The following MSRB2 variants were observed in gnomAD, a reference collection of about 807,000 sequenced individuals.
The protein encoded by MSRB2 is methionine-R-sulfoxide reductase B2, mitochondrial.
MSRB2 carries 17 observed loss-of-function variants against 19.0 expected under a neutral mutation model. The ratio of observed to expected loss-of-function variants is 0.89; its 90% CI spans 0.61 to 1.34. The LOEUF (loss-of-function observed/expected upper bound fraction) is 1.34, where lower values mean the gene tolerates loss of function less well. MSRB2 is among the 40% of genes most tolerant of loss of function. The pLI is 0.00. For missense variants in MSRB2, 208 were observed against 237.6 expected (o/e 0.88, Z 0.82); for synonymous variants, 107 against 99.7 (o/e 1.07, Z -0.44).
chr10:23,103,241 G>T (rs1343805570), intron 1 of MSRB2, among the ~76,000 whole-genome samples: 2 of 152,278 alleles, frequency 1.3e-5, no homozygotes, highest in East Asian at 3.9e-4. Flanking sequence ...AATTTCAACT[G>T]TAACTTCTGA....
At chr10:23,096,365 T>C (rs959131109) in intron 1 of MSRB2, among the ~76,000 whole-genome samples, 1 of 151,710 alleles carries the variant, frequency 6.6e-6, no homozygotes, top group Non-Finnish European at 1.5e-5. Flanking sequence ...TGTGTGTGTG[T>C]GTGTGTGTTT....
At chr10:23,103,581 T>C (rs570164354) in intron 1 of MSRB2, among the ~76,000 whole-genome samples, 1 of 152,334 alleles carries the variant, frequency 6.6e-6, no homozygotes, top group South Asian at 2.1e-4. Flanking sequence ...TAATAGATTA[T>C]GGTAGGTCTG....
At chr10:23,120,679 TGG>T in intron 4 of MSRB2, 77 bp from the exon 5 acceptor site, 1 of 1,061,940 alleles carries the variant, frequency 9.4e-7, no homozygotes, top group Non-Finnish European at 1.4e-6. Context: ...GGAGTGATTT[TGG>T]GGGGGTTCGT....
At chr10:23,112,668 A>C (rs1228738820) in intron 3 of MSRB2, among the ~76,000 whole-genome samples, 1 of 152,202 alleles carries the variant, frequency 6.6e-6, no homozygotes, top group Non-Finnish European at 1.5e-5. Flanking sequence ...GGCTCACTGC[A>C]ACCTCTGCCT....
At chr10:23,118,338 T>TG (rs1554795004) in intron 3 of MSRB2, among the ~76,000 whole-genome samples, 3 of 20,620 alleles carry the variant, frequency 1.5e-4, no homozygotes, top group Non-Finnish European at 2.8e-4. Context: ...TAGTTTTTTG[T>TG]TTTTTTTTTT....
At chr10:23,099,446 A>G (rs1588966852) in intron 1 of MSRB2, among the ~76,000 whole-genome samples, 1 of 152,264 alleles carries the variant, frequency 6.6e-6, no homozygotes, top group Non-Finnish European at 1.5e-5. Flanking sequence ...AAAGGTCCAC[A>G]TTGATAAGGA....
In MSRB2 at chr10:23,112,642, G is replaced by A. The variant is rs567528864; in HGVS notation, c.296+2324G>A. 3.3e-5 allele frequency among the ~76,000 whole-genome samples: 5 copies of A among 152,358 alleles called. No homozygotes were observed. The East Asian group carries it at 9.6e-4, about 29-fold the overall frequency. Reference sequence around the variant, plus strand: ...CTCGCTCTGTCGCCCAGGCTGGAGTGCAGTGGCGCGATCTCGGCTCACTGC... The same window carrying A: ...CTCGCTCTGTCGCCCAGGCTGGAGTACAGTGGCGCGATCTCGGCTCACTGC... On this transcript the variant is annotated intron_variant, in intron 3 of 4. Transcript: ENST00000376510.
At chr10:23,096,373 T>TGTGTGTGTGTGTG (rs3838757) in intron 1 of MSRB2, among the ~76,000 whole-genome samples, 2 of 151,598 alleles carry the variant, frequency 1.3e-5, no homozygotes, top group Admixed American at 6.6e-5. Context: ...TGTGTGTGTG[T>TGTGTGTGTGTGTG]TTCTGCTAAA....
intron 1 of MSRB2, among the ~76,000 whole-genome samples, chr10:23,103,477 T>C (rs1839947266): frequency 6.6e-6 from 1 of 152,184 alleles, no homozygotes; most frequent in African/African-American, 2.4e-5. Context: ...TCTAGTTACT[T>C]GGTTTACACT....
intron 1 of MSRB2, among the ~76,000 whole-genome samples, chr10:23,102,158 G>A (rs1030158660): frequency 6.6e-5 from 10 of 152,016 alleles, no homozygotes; most frequent in South Asian, 2.1e-4. Flanking sequence ...ACACACACGC[G>A]CAAACGTACA....
intron 2 of MSRB2, among the ~76,000 whole-genome samples, chr10:23,107,909 G>A (rs918784824): frequency 2.6e-5 from 4 of 151,984 alleles, no homozygotes; most frequent in African/African-American, 9.7e-5. Flanking sequence ...GGAGAGAGTG[G>A]GTAGATGTCA....
chr10:23,110,110 C>G, intron 2 of MSRB2, 132 bp from the exon 3 acceptor site: 1 of 641,312 alleles, frequency 1.6e-6, no homozygotes. Flanking sequence ...TTCTCTCTGG[C>G]GTTATTTGCA....
rs774911226 is a variant in MSRB2, at chr10:23,119,374, G to C, written c.367G>C (p.Asp123His). ...CGAGGCTCATGGTACGTCTGGCTCT[G>C]ATGAAAGCCACACAGGGATCCTGAG... Reference protein sequence around the residue: ...FSEAHGTSGSDESHTGILRRL... With the variant: ...FSEAHGTSGSHESHTGILRRL... Residue 123 changes from aspartate to histidine, a missense_variant, in exon 4 of 5, where the codon GAT becomes CAT. Transcript: ENST00000376510. 1.2e-5 allele frequency: 20 copies of C among 1,613,986 alleles called. No homozygotes were observed. Among genetic ancestry groups the C allele is most frequent in the Admixed American group, 1.7e-5 (1 of 59,996 alleles).
chr10:23,104,896 G>A (rs755001717), intron 2 of MSRB2, among the ~76,000 whole-genome samples: 36 of 152,058 alleles, frequency 2.4e-4, no homozygotes, highest in Non-Finnish European at 4.4e-4. Context: ...TGTAGCTCTC[G>A]GCCCAAATCT....
intron 3 of MSRB2, among the ~76,000 whole-genome samples, chr10:23,112,154 A>G (rs1207593199): frequency 6.6e-6 from 1 of 152,166 alleles, no homozygotes; most frequent in African/African-American, 2.4e-5. Context: ...CACTAACTTT[A>G]TTTGTTTTTG....
intron 1 of MSRB2, among the ~76,000 whole-genome samples, chr10:23,096,348 C>CTGTGTGTGTGTGTGTGTGTGTG (rs1471780853): frequency 1.5e-3 from 85 of 58,446 alleles, no homozygotes; most frequent in African/African-American, 5.8e-3. Flanking sequence ...GTCTCTCTCT[C>CTGTGTGTGTGTGTGTGTGTGTG]TCTCTGTGTG....
At chr10:23,115,462 C>T (rs1840101219) in intron 3 of MSRB2, among the ~76,000 whole-genome samples, 1 of 152,102 alleles carries the variant, frequency 6.6e-6, no homozygotes, top group Non-Finnish European at 1.5e-5. Flanking sequence ...TCTGTATGCC[C>T]CATTCCCTCA....
intron 3 of MSRB2, among the ~76,000 whole-genome samples, chr10:23,116,657 C>T (rs929157627): frequency 1.3e-5 from 2 of 152,200 alleles, no homozygotes; most frequent in African/African-American, 4.8e-5. Context: ...GTCTCTTGTG[C>T]AATCAAAGCT....
intron 2 of MSRB2, 132 bp downstream of exon 2, chr10:23,104,376 C>T (rs1564428132): frequency 1.6e-6 from 1 of 618,656 alleles, no homozygotes; most frequent in South Asian, 2.4e-5. Flanking sequence ...CCATTGTGCC[C>T]TTCTCGGGGT....
Sources: allele counts gnomAD v4.1 joint callset (sites outside exome capture counted in the v4.1 genomes callset), GRCh38; gene constraint gnomAD v4.1.1; transcripts MANE v1.5; gene names NCBI Gene and HGNC (gene_info 2026-07-23, HGNC 2026-07-21).